Variants in PRELID2 observed in about 807,000 individuals in gnomAD.
The protein encoded by PRELID2 is PRELI domain containing 2.
Under a neutral mutation model 28.4 loss-of-function variants are expected in PRELID2, and 25 were observed. That is an observed-to-expected ratio of 0.88 (90% CI 0.64 to 1.23). PRELID2 has a LOEUF of 1.23. Ranked by LOEUF, PRELID2 falls within the 50% of genes most tolerant of loss-of-function variation. The pLI, the probability that PRELID2 is intolerant of heterozygous loss-of-function variation, is 0.00. For missense variants in PRELID2, 201 were observed against 214.4 expected, an observed-to-expected ratio of 0.94 and a Z score of 0.39; for synonymous variants, 76 against 71.6, an observed-to-expected ratio of 1.06 and a Z score of -0.31.
intron 1 of PRELID2, among the ~76,000 whole-genome samples, chr5:145,589,096 T>G (rs917383019): frequency 6.6e-6 from 1 of 152,208 alleles, no homozygotes; most frequent in Non-Finnish European, 1.5e-5. Context: ...GCAATTTTTT[T>G]GCACAAAATA....
chr5:145,525,037 T>G (rs1267572541), intron 1 of PRELID2, among the ~76,000 whole-genome samples: 1 of 152,196 alleles, frequency 6.6e-6, no homozygotes, highest in Admixed American at 6.5e-5. Context: ...CTAATATTAA[T>G]ACAAACACTA....
chr5:145,666,385 C>T (rs1392940405), intron 1 of PRELID2, among the ~76,000 whole-genome samples: 2 of 152,034 alleles, frequency 1.3e-5, no homozygotes, highest in African/African-American at 4.8e-5. Context: ...AACAACTCCA[C>T]CCAAGCCATA....
At chr5:145,248,928 A>G in the PRELID2 span, among the ~76,000 whole-genome samples, 1 of 152,146 alleles carries the variant, frequency 6.6e-6, no homozygotes, top group Admixed American at 6.6e-5. Flanking sequence ...TGTCTCAGGG[A>G]CTACAGTAAA....
chr5:145,470,067 C>A (rs919261029), downstream of PRELID2, among the ~76,000 whole-genome samples: 2 of 152,144 alleles, frequency 1.3e-5, no homozygotes, highest in Non-Finnish European at 2.9e-5. Flanking sequence ...TAAACTATAA[C>A]ACATCCAATC....
At chr5:145,504,406 A>T (rs565948036) in intron 1 of PRELID2, among the ~76,000 whole-genome samples, 10 of 152,338 alleles carry the variant, frequency 6.6e-5, no homozygotes, top group African/African-American at 2.4e-4. Flanking sequence ...TACAAAGCAC[A>T]TAGTATTTTC....
At chr5:145,700,703 G>A (rs996910761) in intron 1 of PRELID2, among the ~76,000 whole-genome samples, 14 of 152,112 alleles carry the variant, frequency 9.2e-5, no homozygotes, top group African/African-American at 3.1e-4. Flanking sequence ...CTATGTATTC[G>A]TCTCGGCCCT....
At chr5:145,718,192 A>G (rs190119311) in intron 1 of PRELID2, among the ~76,000 whole-genome samples, 1 of 152,220 alleles carries the variant, frequency 6.6e-6, no homozygotes, top group Non-Finnish European at 1.5e-5. Context: ...AACAGAATCT[A>G]GAGACAAGCT....
intron 5 of PRELID2, among the ~76,000 whole-genome samples, chr5:145,773,397 A>G (rs367827287): frequency 2.0e-5 from 3 of 152,336 alleles, no homozygotes; most frequent in South Asian, 2.1e-4. Context: ...AATGTGACTC[A>G]ATTAATCTAT....
chr5:145,740,818 A>G (rs1561566769), intron 1 of PRELID2, among the ~76,000 whole-genome samples: 4 of 115,818 alleles, frequency 3.5e-5, no homozygotes, highest in African/African-American at 1.3e-4. Context: ...TACATTATAC[A>G]TATATACAAA....
chr5:145,590,129 C>T (rs1327511543), intron 1 of PRELID2, among the ~76,000 whole-genome samples: 2 of 152,144 alleles, frequency 1.3e-5, no homozygotes, highest in Non-Finnish European at 2.9e-5. Flanking sequence ...TTAGAGCTCA[C>T]TGGCTTTTTC....
At chr5:145,424,480 G>A in the PRELID2 span, among the ~76,000 whole-genome samples, 2 of 152,188 alleles carry the variant, frequency 1.3e-5, no homozygotes, top group African/African-American at 4.8e-5. Context: ...CAGTATTCGG[G>A]TGGGAGTGAC....
the PRELID2 span, among the ~76,000 whole-genome samples, chr5:145,418,769 T>C: frequency 1.3e-5 from 2 of 152,040 alleles, no homozygotes; most frequent in Admixed American, 1.3e-4. Flanking sequence ...AGGGTACATG[T>C]GCACATTGTG....
At chr5:145,397,553 C>T in the PRELID2 span, among the ~76,000 whole-genome samples, 4 of 152,168 alleles carry the variant, frequency 2.6e-5, no homozygotes, top group South Asian at 2.1e-4. Context: ...AGAATAAACA[C>T]CTGTTTTGAC....
the PRELID2 span, among the ~76,000 whole-genome samples, chr5:145,449,655 CCCTCT>C: frequency 5.9e-5 from 9 of 152,064 alleles, no homozygotes; most frequent in Non-Finnish European, 1.3e-4. Context: ...CAGGGAACCA[CCCTCT>C]TCTACCCAGT....
intron 1 of PRELID2, among the ~76,000 whole-genome samples, chr5:145,497,818 C>T (rs1286626048): frequency 6.6e-6 from 1 of 152,212 alleles, no homozygotes; most frequent in South Asian, 2.1e-4. Flanking sequence ...CTGGAGTGCA[C>T]ATCTGGATGG....
At chr5:145,356,419 C>T in the PRELID2 span, among the ~76,000 whole-genome samples, 3 of 151,876 alleles carry the variant, frequency 2.0e-5, no homozygotes, top group Non-Finnish European at 4.4e-5. Flanking sequence ...CTTTATAGGT[C>T]TCTAAGAATT....
intron 1 of PRELID2, among the ~76,000 whole-genome samples, chr5:145,487,383 A>C (rs934170850): frequency 2.0e-5 from 3 of 152,176 alleles, no homozygotes; most frequent in Admixed American, 1.3e-4. Flanking sequence ...GGTGGAAACT[A>C]TCTGATCCCA....
chr5:145,311,134 C>T, the PRELID2 span, among the ~76,000 whole-genome samples: 3 of 152,160 alleles, frequency 2.0e-5, no homozygotes, highest in African/African-American at 7.2e-5. Flanking sequence ...TTCTCATTTA[C>T]TATATAAAGA....
the PRELID2 span, among the ~76,000 whole-genome samples, chr5:145,251,897 G>T: frequency 6.6e-6 from 1 of 152,028 alleles, no homozygotes; most frequent in Non-Finnish European, 1.5e-5. Context: ...TCTGTCAGGG[G>T]TCCATGTCTG....
Sources: gnomAD v4.1 joint callset for allele counts (sites outside exome capture counted in the v4.1 genomes callset) on GRCh38, gnomAD v4.1.1 for gene constraint, MANE v1.5 for transcripts, NCBI Gene and HGNC (gene_info 2026-07-23, HGNC 2026-07-21) for gene names.